TMCC3: variants seen among roughly 807,000 people sequenced by gnomAD.
TMCC3 encodes transmembrane and coiled-coil domain family 3.
Under a neutral mutation model 40.2 loss-of-function variants are expected in TMCC3, and 28 were observed. The ratio of observed to expected loss-of-function variants is 0.70; its 90% CI spans 0.52 to 0.95. The LOEUF is 0.95. Ranked by LOEUF, TMCC3 falls within the 40% of genes least tolerant of loss-of-function variation. The probability of loss-of-function intolerance (pLI) is 0.00; values close to 1 mark genes in which losing one functional copy is unlikely to be tolerated. For synonymous variants in TMCC3, 255 were observed against 248.5 expected (o/e 1.03, Z -0.25); for missense variants, 554 against 615.2 (o/e 0.90, Z 1.05).
chr12:94,633,417 G>A (rs1322511637), intron 1 of TMCC3, among the ~76,000 whole-genome samples: 1 of 152,092 alleles, frequency 6.6e-6, no homozygotes, highest in African/African-American at 2.4e-5. Context: ...AAATCTAGGA[G>A]GCAGATATAT....
intron 1 of TMCC3, among the ~76,000 whole-genome samples, chr12:94,626,913 T>C (rs2068907089): frequency 6.6e-6 from 1 of 152,186 alleles, no homozygotes; most frequent in South Asian, 2.1e-4. Context: ...TAAGCTGGAG[T>C]GCAGTGGTGT....
intron 1 of TMCC3, among the ~76,000 whole-genome samples, chr12:94,606,525 C>T (rs370578328): frequency 5.2e-4 from 79 of 152,124 alleles, no homozygotes; most frequent in African/African-American, 1.6e-3. Flanking sequence ...CACCACCATG[C>T]CTGGCTAATT....
intron 1 of TMCC3, among the ~76,000 whole-genome samples, chr12:94,608,528 T>G (rs910431304): frequency 1.3e-5 from 2 of 152,074 alleles, no homozygotes; most frequent in African/African-American, 4.8e-5. Flanking sequence ...ACTGCACACC[T>G]GGACCATGCA....
At chr12:94,642,180 T>A (rs1261914114) in intron 1 of TMCC3, among the ~76,000 whole-genome samples, 3 of 152,218 alleles carry the variant, frequency 2.0e-5, no homozygotes, top group Non-Finnish European at 4.4e-5. Flanking sequence ...TTAAAAATTA[T>A]GTAAAGCAAT....
At chr12:94,600,196 TTC>T (rs1036066604) in intron 1 of TMCC3, among the ~76,000 whole-genome samples, 19 of 151,660 alleles carry the variant, frequency 1.3e-4, no homozygotes, top group African/African-American at 4.6e-4. Context: ...TTTATTGATG[TTC>T]TCTCTCCTTC....
In TMCC3 at chr12:94,650,348, C is replaced by T; in HGVS notation, c.78+5G>A. The T allele has an allele frequency of 7.6e-7, 1 of 1,311,494 alleles. No individual in the cohort carries two copies. The allele number at this position is 1,311,494 out of a possible 1,614,324, so 81.2% of individuals were successfully genotyped here. On this transcript the variant is annotated splice_donor_5th_base_variant and intron_variant, in intron 1 of 3. Transcript: ENST00000261226. ...ACCCGCCGCCCCCCAGCCCGCTGCGCTCACCCGGCTCTTGCAGCGGTGGTG... is the reference window on the plus strand; with the variant it reads ...ACCCGCCGCCCCCCAGCCCGCTGCGTTCACCCGGCTCTTGCAGCGGTGGTG...
chr12:94,611,066 C>A (rs1179817507), intron 1 of TMCC3, among the ~76,000 whole-genome samples: 1 of 152,114 alleles, frequency 6.6e-6, no homozygotes, highest in Non-Finnish European at 1.5e-5. Flanking sequence ...TAAGATACTT[C>A]CTTGTCTCCT....
At chr12:94,623,682 A>G (rs1044483148) in intron 1 of TMCC3, among the ~76,000 whole-genome samples, 6 of 152,234 alleles carry the variant, frequency 3.9e-5, no homozygotes, top group African/African-American at 1.4e-4. Context: ...CCTTGGGGGA[A>G]TCCCGAATAA....
At chr12:94,574,049 A>G (rs2138816054) in intron 3 of TMCC3, among the ~76,000 whole-genome samples, 1 of 152,306 alleles carries the variant, frequency 6.6e-6, no homozygotes, top group East Asian at 1.9e-4. Flanking sequence ...CGTGCCACAC[A>G]CTGGCTGAAT....
In TMCC3 at chr12:94,613,071, G is replaced by GAT. The variant is rs146454912; in HGVS notation, c.79-30535_79-30534dup. ...GAGATATATATACACGCACATTGGA[G>GAT]ATATATATATATATACACACAATAA... On this transcript the variant is annotated intron_variant, in intron 1 of 3. Coordinates refer to ENST00000261226, the MANE Select transcript of TMCC3 (RefSeq NM_020698.4). 6.2e-3 allele frequency among the ~76,000 whole-genome samples: 924 copies of GAT among 149,728 alleles called. 11 individuals carry two copies. The highest frequency in any genetic ancestry group is 0.018 in the African/African-American group (719 of 40,712).
At chr12:94,597,104 T>A (rs1476661843) in intron 1 of TMCC3, among the ~76,000 whole-genome samples, 9 of 127,862 alleles carry the variant, frequency 7.0e-5, no homozygotes, top group Non-Finnish European at 3.4e-5. Context: ...ACACAGTAAG[T>A]CACTGTCTCT....
intron 1 of TMCC3, among the ~76,000 whole-genome samples, chr12:94,646,620 G>A (rs1328958491): frequency 6.6e-6 from 1 of 151,588 alleles, no homozygotes; most frequent in Admixed American, 6.6e-5. Context: ...TGTATTTTTA[G>A]TAGAGACAGG....
intron 3 of TMCC3, among the ~76,000 whole-genome samples, chr12:94,578,146 C>CAAAAAAAAAAAAAAAAAAAA (rs1183420863): frequency 2.0e-4 from 7 of 34,862 alleles, no homozygotes; most frequent in African/African-American, 4.9e-4. Flanking sequence ...AGACTCACCT[C>CAAAAAAAAAAAAAAAAAAAA]AAAAAAAAAA....
chr12:94,622,782 TA>T (rs1295387024), intron 1 of TMCC3, among the ~76,000 whole-genome samples: 2 of 144,810 alleles, frequency 1.4e-5, no homozygotes, highest in Non-Finnish European at 3.0e-5. Context: ...CCTGCAGATA[TA>T]AAAAAAGACC....
intron 1 of TMCC3, among the ~76,000 whole-genome samples, chr12:94,643,323 C>T (rs541086422): frequency 1.6e-4 from 24 of 152,284 alleles, no homozygotes; most frequent in African/African-American, 5.8e-4. Context: ...AGAGCCTTCA[C>T]AGAAAGATCA....
At chr12:94,611,015 A>G (rs1354516418) in intron 1 of TMCC3, among the ~76,000 whole-genome samples, 1 of 152,176 alleles carries the variant, frequency 6.6e-6, no homozygotes, top group African/African-American at 2.4e-5. Context: ...TTTCAAAGTG[A>G]GACTAATATG....
Position 94,645,174 on chromosome 12 carries a change from A to G in TMCC3, c.78+5179T>C, listed in dbSNP as rs114684833. ...GGTGCTCAGTAAGTATTTTTTGAAT[A>G]AACGAAGCATCTTGCTCTCAAAGTG... On this transcript the variant is annotated intron_variant, in intron 1 of 3. Coordinates refer to ENST00000261226, the MANE Select transcript of TMCC3 (RefSeq NM_020698.4). 4.1e-3 allele frequency among the ~76,000 whole-genome samples: 619 copies of G among 152,338 alleles called. 3 individuals carry two copies. The highest frequency in any genetic ancestry group is 0.014 in the African/African-American group (578 of 41,576).
At chr12:94,648,504 C>T (rs2069033556) in intron 1 of TMCC3, among the ~76,000 whole-genome samples, 1 of 152,186 alleles carries the variant, frequency 6.6e-6, no homozygotes, top group Non-Finnish European at 1.5e-5. Context: ...GGATTACAGG[C>T]ATGAGCCACC....
chr12:94,601,583 G>C (rs540151628), intron 1 of TMCC3, among the ~76,000 whole-genome samples: 18 of 151,606 alleles, frequency 1.2e-4, no homozygotes, highest in African/African-American at 2.4e-4. Context: ...CCAACATTGT[G>C]GGGGGGCGAG....
Sources: gnomAD v4.1 joint callset for allele counts (sites outside exome capture counted in the v4.1 genomes callset) on GRCh38, gnomAD v4.1.1 for gene constraint, MANE v1.5 for transcripts, NCBI Gene and HGNC (gene_info 2026-07-23, HGNC 2026-07-21) for gene names.